CFHR4: variants seen among roughly 807,000 people sequenced by gnomAD.
The protein encoded by CFHR4 is complement factor H-related protein 4.
Under a neutral mutation model 69.3 loss-of-function variants are expected in CFHR4, and 64 were observed. The observed-to-expected ratio is 0.92, with a 90% CI of 0.76 to 1.14. The LOEUF is 1.14. Ranked by LOEUF, CFHR4 falls within the 50% of genes most tolerant of loss-of-function variation. The probability of loss-of-function intolerance (pLI) is 0.00; values close to 1 mark genes in which losing one functional copy is unlikely to be tolerated. For missense variants in CFHR4, 636 were observed against 684.9 expected, an observed-to-expected ratio of 0.93 and a Z score of 0.80; for synonymous variants, 244 against 237.0, an observed-to-expected ratio of 1.03 and a Z score of -0.27.
intron 9 of CFHR4, among the ~76,000 whole-genome samples, chr1:196,915,904 T>C (rs12732846): frequency 6.6e-6 from 1 of 151,516 alleles, no homozygotes; most frequent in African/African-American, 2.4e-5. Context: ...AACTATTAAA[T>C]CCTCCTTGAA....
intron 1 of CFHR4, among the ~76,000 whole-genome samples, chr1:196,891,139 C>T (rs1426522232): frequency 1.3e-5 from 2 of 151,264 alleles, no homozygotes; most frequent in Non-Finnish European, 2.9e-5. Flanking sequence ...GTAATTTCAG[C>T]TACTCAGGAG....
chr1:196,907,563 A>G, intron 5 of CFHR4, 65 bp downstream of exon 5: 1 of 1,398,872 alleles, frequency 7.1e-7, no homozygotes, highest in Non-Finnish European at 9.9e-7. Flanking sequence ...GTTTATTTAT[A>G]CTAAAATTTT....
chr1:196,917,551 A>G (rs1658716985), intron 9 of CFHR4, among the ~76,000 whole-genome samples: 1 of 151,592 alleles, frequency 6.6e-6, no homozygotes. Flanking sequence ...TCATGTAGGG[A>G]TTCACATTAA....
chr1:196,894,544 C>G (rs1180895639), intron 1 of CFHR4, among the ~76,000 whole-genome samples: 1 of 151,438 alleles, frequency 6.6e-6, no homozygotes, highest in Non-Finnish European at 1.5e-5. Context: ...ATTAATTTCT[C>G]CTTCACTTTT....
At chr1:196,899,162 A>T (rs1201926233) in intron 1 of CFHR4, among the ~76,000 whole-genome samples, 1 of 151,138 alleles carries the variant, frequency 6.6e-6, no homozygotes, top group Non-Finnish European at 1.5e-5. Context: ...AGGGTGTTTT[A>T]TTTCTATGAT....
At chr1:196,895,823 A>AT (rs909045779) in intron 1 of CFHR4, among the ~76,000 whole-genome samples, 1 of 151,270 alleles carries the variant, frequency 6.6e-6, no homozygotes, top group Admixed American at 6.6e-5. Flanking sequence ...GTATGACATA[A>AT]TTTTTTTGTT....
rs1021947630 is a variant in CFHR4 at position 196,909,363 on chromosome 1, C to T, written c.800-918C>T. On this transcript the variant is annotated intron_variant, in intron 5 of 9. Coordinates refer to ENST00000608469, the MANE Select transcript of CFHR4 (RefSeq NM_001201550.3). Reference sequence around the variant, plus strand: ...AACCTTATGAAAAATATTACATATACATATGGCATATTAAAGTAATAAGGA... The same window carrying T: ...AACCTTATGAAAAATATTACATATATATATGGCATATTAAAGTAATAAGGA... 9.9e-5 allele frequency among the ~76,000 whole-genome samples: 15 copies of T among 151,570 alleles called. 1 individual carries two copies. In the South Asian group the frequency reaches 2.7e-3, roughly 27 times the overall value.
chr1:196,918,240 A>G lies in CFHR4; in HGVS notation c.1571A>G (p.Asn524Ser). 6.2e-7 allele frequency: 1 copy of G among 1,605,508 alleles called. No homozygotes were observed. Among genetic ancestry groups the G allele is most frequent in the Non-Finnish European group, 8.5e-7 (1 of 1,174,100 alleles). Reference sequence around the variant, plus strand: ...TGTATAATAACTGAAGAAAACATGAATAAAAATAACATACAGTTAAAAGGA... The same window carrying G: ...TGTATAATAACTGAAGAAAACATGAGTAAAAATAACATACAGTTAAAAGGA... ...HPCIITEENM[N>S]KNNIQLKGKS... Residue 524 changes from asparagine (N) to serine (S), a missense_variant, in exon 10 of 10, where the codon AAT (asparagine) becomes AGT (serine). Asn to Ser is a conservative substitution (Grantham distance 46). Coordinates refer to ENST00000608469, the MANE Select transcript of CFHR4 (RefSeq NM_001201550.3).
In CFHR4 at chr1:196,889,378, T is replaced by A. The variant is rs76240055; in HGVS notation, c.58+1170T>A. Among the ~76,000 whole-genome samples the A allele has an allele frequency of 7.0e-4, 106 of 151,696 alleles. 4 individuals are homozygous for A. The East Asian group carries it at 0.02, about 29-fold the overall frequency. ...CACATTTTTTAAAATAAGGATTACA[T>A]AGATTAAAGTAGAATGCAAAGCAGA... is the stretch of plus-strand genomic sequence containing the variant. On this transcript the variant is annotated intron_variant, in intron 1 of 9. Coordinates refer to ENST00000608469, the MANE Select transcript of CFHR4 (RefSeq NM_001201550.3).
intron 7 of CFHR4, among the ~76,000 whole-genome samples, chr1:196,913,249 T>C (rs1438689008): frequency 6.6e-6 from 1 of 151,548 alleles, no homozygotes; most frequent in Non-Finnish European, 1.5e-5. Flanking sequence ...TTCCCTTTCT[T>C]TGTATTTCAA....
Position 196,907,453 on chromosome 1 carries a change from G to A in CFHR4, c.754G>A (p.Val252Ile), listed in dbSNP as rs1657978227. Reference protein sequence around the residue: ...SYYELQGSKYVTCSNGDWSEP... With the variant: ...SYYELQGSKYITCSNGDWSEP... The stretch of plus-strand genomic sequence containing the variant: ...CTATGAACTTCAGGGTTCTAAATAT[G>A]TAACATGTAGTAATGGAGACTGGTC... Residue 252 changes from valine to isoleucine, a missense_variant, in exon 5 of 10, where the codon GTA becomes ATA. Physicochemically the swap from Val to Ile is conservative, Grantham distance 29. Coordinates refer to ENST00000608469, the MANE Select transcript of CFHR4 (RefSeq NM_001201550.3). 1.2e-6 allele frequency: 2 copies of A among 1,611,774 alleles called. No individual in the cohort carries two copies. Among genetic ancestry groups the A allele is most frequent in the African/African-American group, 1.3e-5 (1 of 74,286 alleles).
rs569655942 is a variant in CFHR4 at position 196,891,093 on chromosome 1, A to T, written c.58+2885A>T. Among the ~76,000 whole-genome samples the T allele has an allele frequency of 2.2e-4, 34 of 151,312 alleles. 1 individual carries two copies. In the East Asian group the frequency reaches 6.4e-3, roughly 29 times the overall value. ...TGGTGAAACACTGTCTCTACTAAAA[A>T]TTCAAAAAATTAGCCAGGTGTGGTG... On this transcript the variant is annotated intron_variant, in intron 1 of 9. Coordinates refer to ENST00000608469, the MANE Select transcript of CFHR4 (RefSeq NM_001201550.3).
rs929046151 is a variant in CFHR4, at chr1:196,890,550, T to C, written c.58+2342T>C. Among the ~76,000 whole-genome samples the C allele has an allele frequency of 4.0e-5, 6 of 151,656 alleles. 1 individual carries two copies. Among genetic ancestry groups the C allele is most frequent in the African/African-American group, 1.5e-4 (6 of 41,144 alleles). On this transcript the variant is annotated intron_variant, in intron 1 of 9. Coordinates refer to ENST00000608469, the MANE Select transcript of CFHR4 (RefSeq NM_001201550.3). Reference sequence around the variant, plus strand: ...AGGTTGTCAGGAAAATTATTTTAATTATGAATATCCTTTTAAAATTGTATA... The same window carrying C: ...AGGTTGTCAGGAAAATTATTTTAATCATGAATATCCTTTTAAAATTGTATA...
rs774978424 is a variant in CFHR4, at chr1:196,908,789, C to T, written c.799+1291C>T. 5.3e-5 allele frequency among the ~76,000 whole-genome samples: 8 copies of T among 151,542 alleles called. No individual in the cohort carries two copies. The East Asian group carries it at 5.8e-4, about 11-fold the overall frequency. ...TCACAGCTCTTAAACTGTAAACTCA[C>T]GAGTTTTCCAAATGCTCAAGTTCCT... is the stretch of plus-strand genomic sequence containing the variant. On this transcript the variant is annotated intron_variant, in intron 5 of 9. Transcript: ENST00000608469.
At position 196,905,157 on chromosome 1, in the gene CFHR4, ATCT is replaced by A. The variant is rs767868617; in HGVS notation, c.309_311del (p.Ser105del). The stretch of plus-strand genomic sequence containing the variant: ...AAATTGAAAATGGATTCATTTCTGA[ATCT>A]TCCTCTATTTATATTTTAAATGAAG... On this transcript the variant is annotated inframe_deletion, in exon 3 of 10. Coordinates refer to ENST00000608469, the MANE Select transcript of CFHR4 (RefSeq NM_001201550.3). 5 of 1,607,060 alleles carry A rather than the reference ATCT, an allele frequency of 3.1e-6. No homozygotes were observed. The highest frequency in any genetic ancestry group is 4.2e-6 in the Non-Finnish European group (5 of 1,177,096).
Position 196,914,943 on chromosome 1 carries a change from T to C in CFHR4, c.1358-13T>C. Reference sequence around the variant, plus strand: ...TATTGATTTTTCCCCACATATAAAGTATTTTTTTTCAGATTCTTCAGAAAA... The same window carrying C: ...TATTGATTTTTCCCCACATATAAAGCATTTTTTTTCAGATTCTTCAGAAAA... On this transcript the variant is annotated splice_polypyrimidine_tract_variant and intron_variant, in intron 8 of 9. Transcript: ENST00000608469. 1 of 1,600,782 alleles carries C rather than the reference T, an allele frequency of 6.2e-7. No individual in the cohort carries two copies. Among genetic ancestry groups the C allele is most frequent in the Non-Finnish European group, 8.5e-7 (1 of 1,172,320 alleles).
At chr1:196,896,686 G>A (rs1360602979) in intron 1 of CFHR4, among the ~76,000 whole-genome samples, 1 of 151,478 alleles carries the variant, frequency 6.6e-6, no homozygotes, top group South Asian at 2.1e-4. Flanking sequence ...CTGAATGTGA[G>A]TGCAACTTAC....
At chr1:196,903,781 A>G (rs1657753215) in intron 2 of CFHR4, among the ~76,000 whole-genome samples, 1 of 151,490 alleles carries the variant, frequency 6.6e-6, no homozygotes, top group Admixed American at 6.6e-5. Context: ...ATCAAAGTGA[A>G]TGCATTGATT....
chr1:196,908,452 G>T (rs1008399970), intron 5 of CFHR4, among the ~76,000 whole-genome samples: 15 of 151,328 alleles, frequency 9.9e-5, no homozygotes, highest in African/African-American at 2.9e-4. Flanking sequence ...AAGAAAGAAA[G>T]AAATTAACAG....
Sources: gnomAD v4.1 joint callset for allele counts (sites outside exome capture counted in the v4.1 genomes callset) on GRCh38, gnomAD v4.1.1 for gene constraint, MANE v1.5 for transcripts, NCBI Gene and HGNC (gene_info 2026-07-23, HGNC 2026-07-21) for gene names.